Variants in DAAM1 observed in about 807,000 individuals in gnomAD.
The protein encoded by DAAM1 is dishevelled associated activator of morphogenesis 1, also known as disheveled-associated activator of morphogenesis 1.
Under a neutral mutation model 130.0 loss-of-function variants are expected in DAAM1, and 52 were observed. That is an observed-to-expected ratio of 0.40 (90% CI 0.32 to 0.50). The LOEUF is 0.50. DAAM1 is among the 20% of genes least tolerant of loss of function. The pLI, the probability that DAAM1 is intolerant of heterozygous loss-of-function variation, is 0.61. For synonymous variants in DAAM1, 452 were observed against 444.5 expected (o/e 1.02, Z -0.21); for missense variants, 1,134 against 1,303.8 (o/e 0.87, Z 2.01).
At chr14:59,285,530 C>T (rs1332201127) in intron 2 of DAAM1, among the ~76,000 whole-genome samples, 1 of 152,136 alleles carries the variant, frequency 6.6e-6, no homozygotes, top group Non-Finnish European at 1.5e-5. Flanking sequence ...CTGCTGCCTT[C>T]AAGAGACCCA....
At chr14:59,363,258 T>C (rs542497761) in intron 22 of DAAM1, 6 of 172,796 alleles carry the variant, frequency 3.5e-5, no homozygotes, top group Non-Finnish European at 6.2e-5. Flanking sequence ...GGCACCACAA[T>C]TCTAAGCATG....
intron 1 of DAAM1, among the ~76,000 whole-genome samples, chr14:59,260,238 CTAATA>C (rs1882107603): frequency 1.3e-5 from 2 of 152,176 alleles, no homozygotes; most frequent in South Asian, 4.1e-4. Flanking sequence ...ATTTCCCCCT[CTAATA>C]TAAGCAGATA....
intron 1 of DAAM1, among the ~76,000 whole-genome samples, chr14:59,216,165 G>T (rs979806937): frequency 2.0e-5 from 3 of 151,998 alleles, no homozygotes; most frequent in African/African-American, 7.3e-5. Context: ...GACTTCCCAG[G>T]GTCCCTCCCT....
chr14:59,324,767 T>C (rs375190688), intron 8 of DAAM1, among the ~76,000 whole-genome samples: 3 of 152,240 alleles, frequency 2.0e-5, no homozygotes, highest in African/African-American at 4.8e-5. Flanking sequence ...TTTTTATAAC[T>C]GCAAAAGATA....
intron 1 of DAAM1, among the ~76,000 whole-genome samples, chr14:59,235,005 G>A (rs577517329): frequency 5.1e-4 from 77 of 152,252 alleles, no homozygotes; most frequent in African/African-American, 1.7e-3. Flanking sequence ...ACTTGATCAC[G>A]GTGGATAAGC....
chr14:59,252,177 G>A (rs192902383), intron 1 of DAAM1, among the ~76,000 whole-genome samples: 107 of 152,328 alleles, frequency 7.0e-4, no homozygotes, highest in African/African-American at 2.6e-3. Context: ...GTGAAAGCCA[G>A]CGGCCCTGGG....
chr14:59,317,637 G>T (rs947900459), intron 4 of DAAM1, among the ~76,000 whole-genome samples: 1 of 152,152 alleles, frequency 6.6e-6, no homozygotes, highest in Admixed American at 6.5e-5. Context: ...ATGACAAGCA[G>T]GGTAACAGGC....
intron 1 of DAAM1, among the ~76,000 whole-genome samples, chr14:59,242,123 T>A (rs887505604): frequency 2.0e-5 from 3 of 152,236 alleles, no homozygotes; most frequent in African/African-American, 7.2e-5. Flanking sequence ...GTCACAGAGC[T>A]ACTAAGAGGA....
chr14:59,360,417 A>T (rs1017465571), intron 21 of DAAM1, among the ~76,000 whole-genome samples: 1 of 152,262 alleles, frequency 6.6e-6, no homozygotes, highest in Non-Finnish European at 1.5e-5. Context: ...CAATGTGAAC[A>T]TGATTGCAGA....
At position 59,340,117 on chromosome 14, in the gene DAAM1, A is replaced by G; in HGVS notation, c.2012A>G (p.Lys671Arg). Residue 671 changes from lysine to arginine, a missense_variant, in exon 16 of 25, where the codon AAA (lysine) becomes AGA (arginine). Transcript: ENST00000360909. ...AIDDTLSSKL[K>R]VKELSVIDGR... Reference sequence around the variant, plus strand: ...GATGACACTCTGAGTTCCAAACTTAAAGTTAAAGAGCTTTCGGTGATTGAT... The same window carrying G: ...GATGACACTCTGAGTTCCAAACTTAGAGTTAAAGAGCTTTCGGTGATTGAT... 1.2e-6 allele frequency: 2 copies of G among 1,612,672 alleles called. No homozygotes were observed. Among genetic ancestry groups the G allele is most frequent in the Non-Finnish European group, 1.7e-6 (2 of 1,179,094 alleles).
chr14:59,336,023 G>GTT (rs796087070), intron 15 of DAAM1, among the ~76,000 whole-genome samples: 2 of 143,360 alleles, frequency 1.4e-5, no homozygotes, highest in Non-Finnish European at 1.5e-5. Flanking sequence ...TAGTGGTGTT[G>GTT]TTTTTTTTTT....
At chr14:59,218,847 T>G (rs745404328) in intron 1 of DAAM1, among the ~76,000 whole-genome samples, 20 of 152,308 alleles carry the variant, frequency 1.3e-4, no homozygotes, top group Non-Finnish European at 2.6e-4. Flanking sequence ...AATTTATAAA[T>G]ACAAGAATGG....
In DAAM1 at chr14:59,370,719, A is replaced by G. The variant is rs561675332; in HGVS notation, c.*1860A>G. The G allele has an allele frequency of 6.6e-6, 1 of 152,310 alleles. No homozygotes were observed. Among genetic ancestry groups the G allele is most frequent in the South Asian group, 2.1e-4 (1 of 4,820 alleles). The allele number at this position is 152,310 out of a possible 1,614,324, so 9.4% of individuals were successfully genotyped here. On this transcript the variant is annotated 3_prime_UTR_variant, in exon 25 of 25. Coordinates refer to ENST00000360909, the MANE Select transcript of DAAM1 (RefSeq NM_001270520.2). ...CCCGAGTTAACCCAGGTCTGCAATA[A>G]CACCATGTTAAAGGTGCAGATAGAG... is the stretch of plus-strand genomic sequence containing the variant.
chr14:59,269,956 A>G (rs1882638749), intron 2 of DAAM1, among the ~76,000 whole-genome samples: 1 of 152,200 alleles, frequency 6.6e-6, no homozygotes, highest in Non-Finnish European at 1.5e-5. Flanking sequence ...GGATGGTTAT[A>G]TTGTTGACTT....
intron 1 of DAAM1, among the ~76,000 whole-genome samples, chr14:59,189,468 C>T (rs1278154175): frequency 1.3e-5 from 2 of 152,160 alleles, no homozygotes; most frequent in Non-Finnish European, 2.9e-5. Flanking sequence ...TTGTGAGGCA[C>T]CGCAGAGGGC....
intron 1 of DAAM1, among the ~76,000 whole-genome samples, chr14:59,249,112 A>C (rs1881524586): frequency 1.3e-5 from 2 of 152,150 alleles, no homozygotes; most frequent in Non-Finnish European, 2.9e-5. Context: ...TACTTCTTCA[A>C]GGCTCTACTT....
At chr14:59,285,052 C>G (rs1883380927) in intron 2 of DAAM1, among the ~76,000 whole-genome samples, 1 of 152,032 alleles carries the variant, frequency 6.6e-6, no homozygotes, top group African/African-American at 2.4e-5. Context: ...TTAAAGGCAG[C>G]TAGAGAGAAG....
rs114510839 is a variant in DAAM1, at chr14:59,291,555, C to T, written c.273+249C>T. On this transcript the variant is annotated intron_variant, in intron 3 of 24. Coordinates refer to ENST00000360909, the MANE Select transcript of DAAM1 (RefSeq NM_001270520.2). ...CATGTGTAACTGAAACCCAAAATAA[C>T]GTTTGCTTACACAAGACAAATTCCC... The T allele has an allele frequency of 2.1e-3, 887 of 429,812 alleles. 11 individuals are homozygous for T. The highest frequency in any genetic ancestry group is 0.016 in the African/African-American group (766 of 48,396). 26.6% of individuals were successfully genotyped at this position (429,812 alleles called of 1,614,324 possible).
intron 1 of DAAM1, among the ~76,000 whole-genome samples, chr14:59,255,256 C>T (rs958743522): frequency 6.6e-6 from 1 of 152,190 alleles, no homozygotes; most frequent in African/African-American, 2.4e-5. Context: ...ATGGGCAGGG[C>T]TGTCCCTCCA....
Sources: allele counts gnomAD v4.1 joint callset (sites outside exome capture counted in the v4.1 genomes callset), GRCh38; gene constraint gnomAD v4.1.1; transcripts MANE v1.5; gene names NCBI Gene and HGNC (gene_info 2026-07-23, HGNC 2026-07-21).